The following STARD7 variants were observed in gnomAD, a reference collection of about 807,000 sequenced individuals.
STARD7 encodes StAR related lipid transfer domain containing 7.
In STARD7, 30 loss-of-function variants were observed where a neutral mutation model predicts 45.3. The ratio of observed to expected loss-of-function variants is 0.66; its 90% CI spans 0.50 to 0.90. STARD7 has a LOEUF of 0.90. STARD7 is among the 40% of genes least tolerant of loss of function. The pLI is 0.00. For synonymous variants in STARD7, 199 were observed against 183.0 expected, an observed-to-expected ratio of 1.09 and a Z score of -0.70; for missense variants, 495 against 491.3, an observed-to-expected ratio of 1.01 and a Z score of -0.07.
chr2:96,202,179 G>C (rs1488296006), intron 1 of STARD7, among the ~76,000 whole-genome samples: 1 of 152,158 alleles, frequency 6.6e-6, no homozygotes, highest in East Asian at 1.9e-4. Flanking sequence ...CCTAATTTAA[G>C]TGAGGTTAGA....
At chr2:96,204,577 G>C (rs1683358053) in intron 1 of STARD7, among the ~76,000 whole-genome samples, 1 of 152,092 alleles carries the variant, frequency 6.6e-6, no homozygotes, top group Non-Finnish European at 1.5e-5. Flanking sequence ...GAGGGAAGGG[G>C]AGGACAGGAC....
intron 1 of STARD7, among the ~76,000 whole-genome samples, chr2:96,205,800 A>G (rs1194307789): frequency 6.6e-6 from 1 of 152,260 alleles, no homozygotes; most frequent in Non-Finnish European, 1.5e-5. Flanking sequence ...GTTGTTGAAT[A>G]GCATATTTGC....
At chr2:96,188,733 GA>G (rs1225267792) in intron 6 of STARD7, among the ~76,000 whole-genome samples, 23 of 143,732 alleles carry the variant, frequency 1.6e-4, no homozygotes, top group African/African-American at 2.5e-4. Context: ...AAAATACAAA[GA>G]AAAAAAAAAA....
intron 1 of STARD7, among the ~76,000 whole-genome samples, chr2:96,197,426 T>C (rs1264935456): frequency 6.6e-6 from 1 of 152,096 alleles, no homozygotes; most frequent in Non-Finnish European, 1.5e-5. Context: ...AAAAATAAAA[T>C]AAAATAAAGT....
intron 1 of STARD7, among the ~76,000 whole-genome samples, chr2:96,204,514 C>G (rs528767118): frequency 9.2e-5 from 14 of 152,054 alleles, no homozygotes; most frequent in South Asian, 6.2e-4. Flanking sequence ...GAGATCATGC[C>G]AATGCACTCC....
rs1683040572 is a variant in STARD7 at position 96,186,607 on chromosome 2, T to C, written c.*123A>G. On this transcript the variant is annotated 3_prime_UTR_variant, in exon 8 of 8. Transcript: ENST00000337288. Reference sequence around the variant, plus strand: ...AAATGGGACATCAGTTATTGAATTATCTTGCACTGGAAGTTACAGCAGATG... The same window carrying C: ...AAATGGGACATCAGTTATTGAATTACCTTGCACTGGAAGTTACAGCAGATG... 1 of 634,512 alleles carries C rather than the reference T, an allele frequency of 1.6e-6. No homozygotes were observed. Among genetic ancestry groups the C allele is most frequent in the South Asian group, 2.8e-5 (1 of 35,094 alleles). The allele number at this position is 634,512 out of a possible 1,614,324, so 39.3% of individuals were successfully genotyped here.
Position 96,208,182 on chromosome 2 carries a change from A to T in STARD7, c.253T>A (p.Trp85Arg). ...LMAALAGVFVWDEERIQEEEL... is the reference protein window; with the variant it reads ...LMAALAGVFVRDEERIQEEEL... ...TCCTCCTGGATCCTCTCCTCGTCCCAAACGAAGACGCCGGCTAACGCCGCC... is the reference window on the plus strand; with the variant it reads ...TCCTCCTGGATCCTCTCCTCGTCCCTAACGAAGACGCCGGCTAACGCCGCC... Residue 85 changes from tryptophan (W) to arginine (R), a missense_variant, in exon 1 of 8, where the codon TGG becomes AGG. Trp to Arg is a moderately radical substitution (Grantham distance 101). Coordinates refer to ENST00000337288, the MANE Select transcript of STARD7 (RefSeq NM_020151.4). 6.2e-7 allele frequency: 1 copy of T among 1,602,860 alleles called. No homozygotes were observed. Among genetic ancestry groups the T allele is most frequent in the Non-Finnish European group, 8.5e-7 (1 of 1,175,450 alleles).
intron 3 of STARD7, among the ~76,000 whole-genome samples, chr2:96,194,575 TAAGA>T (rs908063306): frequency 1.5e-4 from 23 of 152,344 alleles, no homozygotes; most frequent in African/African-American, 5.3e-4. Context: ...CATGATTAGT[TAAGA>T]AATACGGCAT....
rs767608114 is a variant in STARD7 at position 96,195,450 on chromosome 2, C to T, written c.390G>A (p.Gly130=). 27 of 1,613,470 alleles carry T rather than the reference C, an allele frequency of 1.7e-5. No individual in the cohort carries two copies. Among genetic ancestry groups the T allele is most frequent in the South Asian group, 1.1e-5 (1 of 90,966 alleles). ...HPPEPKAQTE[G]NEDSEGKEQR... ...GCTCTTTGCCCTCTGAATCTTCATTCCCTTCTGTTTGGGCTTTTGGTTCTG... is the reference window on the plus strand; with the variant it reads ...GCTCTTTGCCCTCTGAATCTTCATTTCCTTCTGTTTGGGCTTTTGGTTCTG... Residue 130 remains glycine (G), a synonymous_variant, in exon 2 of 8, where the codon GGG becomes GGA. Transcript: ENST00000337288.
chr2:96,195,674 C>A, intron 1 of STARD7, 125 bp from the exon 2 acceptor site: 1 of 655,332 alleles, frequency 1.5e-6, no homozygotes. Context: ...AAACAGGACA[C>A]AGTATAGTCA....
At position 96,208,390 on chromosome 2, in the gene STARD7, C is replaced by G. The variant is rs770834836; in HGVS notation, c.45G>C (p.Arg15=). The part of the protein sequence containing the change: ...RLLAAWLAGT[R]GGGLLALLAN... ...CCAGAAGCGCCAGCAGGCCCCCGCC[C>G]CGCGTCCCCGCCAGCCAGGCGGCCA... The change falls in exon 1 of 8, where the codon CGG becomes CGC. Residue 15 remains arginine (R), a synonymous_variant. Transcript: ENST00000337288. 5.4e-6 allele frequency: 8 copies of G among 1,473,172 alleles called. No homozygotes were observed. Among genetic ancestry groups the G allele is most frequent in the Non-Finnish European group, 7.1e-6 (8 of 1,121,890 alleles). The allele number at this position is 1,473,172 out of a possible 1,614,324, so 91.3% of individuals were successfully genotyped here.
At position 96,197,544 on chromosome 2, in the gene STARD7, A is replaced by G. The variant is rs567569600; in HGVS notation, c.291-1995T>C. Among the ~76,000 whole-genome samples the G allele has an allele frequency of 2.6e-5, 4 of 152,364 alleles. No individual in the cohort carries two copies. In the South Asian group the frequency reaches 8.3e-4, roughly 32 times the overall value. ...CCGTTTTTTATTGGGTTGTCTTATT[A>G]TAAGTATGTATGTATTTTTCCCCTT... is the stretch of plus-strand genomic sequence containing the variant. On this transcript the variant is annotated intron_variant, in intron 1 of 7. Coordinates refer to ENST00000337288, the MANE Select transcript of STARD7 (RefSeq NM_020151.4).
intron 1 of STARD7, among the ~76,000 whole-genome samples, chr2:96,196,416 T>C (rs1462471423): frequency 6.6e-6 from 1 of 152,200 alleles, no homozygotes; most frequent in Admixed American, 6.5e-5. Flanking sequence ...GCTACAATTC[T>C]GCCACTGTAC....
chr2:96,197,079 A>ATAACATAACATAACATAACATAAC (rs1558735802), intron 1 of STARD7, among the ~76,000 whole-genome samples: 10 of 135,648 alleles, frequency 7.4e-5, no homozygotes, highest in Admixed American at 7.4e-5. Flanking sequence ...AATAAAATAA[A>ATAACATAACATAACATAACATAAC]ATAAAATAAA....
At chr2:96,197,058 C>T (rs1391335020) in intron 1 of STARD7, among the ~76,000 whole-genome samples, 1 of 74,942 alleles carries the variant, frequency 1.3e-5, no homozygotes, top group Non-Finnish European at 3.2e-5. Context: ...AAGAGCGAAA[C>T]TCCGTCTCAA....
At chr2:96,202,357 C>G (rs1013793690) in intron 1 of STARD7, among the ~76,000 whole-genome samples, 28 of 152,132 alleles carry the variant, frequency 1.8e-4, no homozygotes, top group African/African-American at 6.3e-4. Context: ...CTGGCCTTGT[C>G]AATACTGAGT....
chr2:96,206,184 T>A (rs1683385765), intron 1 of STARD7, among the ~76,000 whole-genome samples: 1 of 152,152 alleles, frequency 6.6e-6, no homozygotes, highest in Non-Finnish European at 1.5e-5. Flanking sequence ...ACTATGTTCA[T>A]TTCCTATCTT....
intron 1 of STARD7, among the ~76,000 whole-genome samples, chr2:96,203,870 G>A (rs1423962433): frequency 6.6e-6 from 1 of 152,080 alleles, no homozygotes; most frequent in African/African-American, 2.4e-5. Flanking sequence ...AGAGGCTGAG[G>A]CAGGAGAACT....
At chr2:96,203,584 C>T (rs1039175154) in intron 1 of STARD7, among the ~76,000 whole-genome samples, 1 of 152,174 alleles carries the variant, frequency 6.6e-6, no homozygotes, top group South Asian at 2.1e-4. Context: ...CAGACAACAG[C>T]CTCACTTCAC....
Sources: allele counts gnomAD v4.1 joint callset (sites outside exome capture counted in the v4.1 genomes callset), GRCh38; gene constraint gnomAD v4.1.1; transcripts MANE v1.5; gene names NCBI Gene and HGNC (gene_info 2026-07-23, HGNC 2026-07-21).